Variants in TMEM114 observed in about 807,000 individuals in gnomAD.
The protein encoded by TMEM114 is transmembrane protein 114.
TMEM114 carries 6 observed loss-of-function variants against 6.2 expected under a neutral mutation model. That is an observed-to-expected ratio of 0.97 (90% CI 0.53 to 1.91). TMEM114 has a LOEUF of 1.91. Ranked by LOEUF, TMEM114 falls within the 40% of genes most tolerant of loss-of-function variation. The probability of loss-of-function intolerance (pLI) is 0.01; values close to 1 mark genes in which losing one functional copy is unlikely to be tolerated. For synonymous variants in TMEM114, 104 were observed against 73.0 expected, an observed-to-expected ratio of 1.42 and a Z score of -2.16; for missense variants, 218 against 158.3, an observed-to-expected ratio of 1.38 and a Z score of -2.02.
chr16:8,530,385 C>T, the TMEM114 span, among the ~76,000 whole-genome samples: 1 of 152,182 alleles, frequency 6.6e-6, no homozygotes, highest in African/African-American at 2.4e-5. Flanking sequence ...GTTCCCATCT[C>T]TAGAGCTAGT....
At chr16:8,529,362 GCAGTTAACC>G in the TMEM114 span, among the ~76,000 whole-genome samples, 1 of 152,202 alleles carries the variant, frequency 6.6e-6, no homozygotes, top group African/African-American at 2.4e-5. Context: ...TCTCTCATGT[GCAGTTAACC>G]CATTAGTGGA....
At chr16:8,539,133 G>C (rs1055639935) in intron 2 of TMEM114, among the ~76,000 whole-genome samples, 1 of 152,084 alleles carries the variant, frequency 6.6e-6, no homozygotes, top group Admixed American at 6.6e-5. Flanking sequence ...GTCACAATCT[G>C]GGCATTGCCA....
At chr16:8,535,493 G>A (rs556282260), downstream of TMEM114, among the ~76,000 whole-genome samples, 1 of 152,078 alleles carries the variant, frequency 6.6e-6, no homozygotes, top group African/African-American at 2.4e-5. Context: ...GCAGTTTGGG[G>A]TCCATAGCAC....
At chr16:8,553,855 A>G (rs1364493869) in intron 2 of TMEM114, among the ~76,000 whole-genome samples, 2 of 149,754 alleles carry the variant, frequency 1.3e-5, no homozygotes, top group Non-Finnish European at 3.0e-5. Context: ...TCACACCACT[A>G]TGGCTGCTAA....
intron 2 of TMEM114, among the ~76,000 whole-genome samples, chr16:8,538,516 G>GTT (rs34436612): frequency 6.0e-5 from 9 of 150,308 alleles, no homozygotes; most frequent in Non-Finnish European, 7.4e-5. Flanking sequence ...TTTGTTTTTT[G>GTT]TTTTTTTTTG....
At chr16:8,574,961 G>T (rs956295594) in intron 2 of TMEM114, among the ~76,000 whole-genome samples, 1 of 152,182 alleles carries the variant, frequency 6.6e-6, no homozygotes, top group Non-Finnish European at 1.5e-5. Context: ...TTTGGAACAT[G>T]AATATTGATT....
intron 2 of TMEM114, among the ~76,000 whole-genome samples, chr16:8,548,435 A>G (rs540556715): frequency 6.6e-6 from 1 of 152,056 alleles, no homozygotes; most frequent in East Asian, 1.9e-4. Context: ...TGGCTTTACA[A>G]CCTTTTATTA....
intron 2 of TMEM114, among the ~76,000 whole-genome samples, chr16:8,556,651 G>A (rs377127839): frequency 1.3e-5 from 2 of 151,858 alleles, no homozygotes; most frequent in African/African-American, 2.4e-5. Flanking sequence ...ACAGGTACCC[G>A]CCATCACACA....
At chr16:8,553,366 T>A (rs1306350184) in intron 2 of TMEM114, among the ~76,000 whole-genome samples, 1 of 152,148 alleles carries the variant, frequency 6.6e-6, no homozygotes, top group Non-Finnish European at 1.5e-5. Context: ...AGCTGTAGAG[T>A]CCAAAGAATC....
In TMEM114 at chr16:8,589,854, C is replaced by T; in HGVS notation, c.-16G>A. Reference sequence around the variant, plus strand: ...GCACCCGCATCGCCGAGCCCAGGACCAGCAGCCGCGGGTTCCAGTGGCCGC... The same window carrying T: ...GCACCCGCATCGCCGAGCCCAGGACTAGCAGCCGCGGGTTCCAGTGGCCGC... On this transcript the variant is annotated 5_prime_UTR_variant, in exon 1 of 4. Transcript: ENST00000620492. The T allele has an allele frequency of 2.5e-6, 1 of 397,362 alleles. No individual in the cohort carries two copies. The highest frequency in any genetic ancestry group is 4.4e-6 in the Non-Finnish European group (1 of 225,240). 24.6% of individuals were successfully genotyped at this position (397,362 alleles called of 1,614,324 possible).
chr16:8,574,586 T>C (rs145232658), intron 2 of TMEM114, among the ~76,000 whole-genome samples: 4 of 106,438 alleles, frequency 3.8e-5, no homozygotes, highest in Non-Finnish European at 7.2e-5. Context: ...TCCTTCCTTC[T>C]TTCTTTCTTT....
chr16:8,556,096 A>T (rs1901001490), intron 2 of TMEM114, among the ~76,000 whole-genome samples: 1 of 152,176 alleles, frequency 6.6e-6, no homozygotes, highest in Non-Finnish European at 1.5e-5. Context: ...TTCATCTGAG[A>T]ACCCGGTCTC....
chr16:8,562,178 GAGTC>G (rs1165670986), intron 2 of TMEM114, among the ~76,000 whole-genome samples: 1 of 151,678 alleles, frequency 6.6e-6, no homozygotes, highest in African/African-American at 2.4e-5. Flanking sequence ...ATGAGTGAAT[GAGTC>G]AGTGAGTGAG....
intron 2 of TMEM114, among the ~76,000 whole-genome samples, chr16:8,564,265 T>C (rs11866822): frequency 4.2e-4 from 4 of 9,582 alleles, no homozygotes; most frequent in Middle Eastern, 0.038. Flanking sequence ...GAATGAGTGA[T>C]GAAATAAGTG....
At chr16:8,563,631 GAAT>G (rs1901376166) in intron 2 of TMEM114, among the ~76,000 whole-genome samples, 4 of 146,950 alleles carry the variant, frequency 2.7e-5, no homozygotes, top group Non-Finnish European at 5.9e-5. Flanking sequence ...ATGAGTGAGT[GAAT>G]GAGTAAATGA....
chr16:8,549,723 G>A (rs563196552), intron 2 of TMEM114, among the ~76,000 whole-genome samples: 1 of 152,174 alleles, frequency 6.6e-6, no homozygotes, highest in South Asian at 2.1e-4. Context: ...CTCAGGTGGT[G>A]GCTGAATTGA....
chr16:8,538,570 C>T (rs1193790511), intron 2 of TMEM114, among the ~76,000 whole-genome samples: 3 of 151,830 alleles, frequency 2.0e-5, no homozygotes, highest in Admixed American at 1.3e-4. Context: ...TGCAGTGGTG[C>T]GATCTCAGCT....
chr16:8,560,920 G>A (rs1027901369), intron 2 of TMEM114, among the ~76,000 whole-genome samples: 4 of 152,162 alleles, frequency 2.6e-5, no homozygotes, highest in African/African-American at 9.7e-5. Flanking sequence ...CCACGTGGCT[G>A]GGGAGGCCTC....
chr16:8,540,688 C>G (rs1900492893), intron 2 of TMEM114, among the ~76,000 whole-genome samples: 1 of 152,202 alleles, frequency 6.6e-6, no homozygotes, highest in Non-Finnish European at 1.5e-5. Context: ...GTACTGGGAA[C>G]CAGTGGTAAG....
Sources: gnomAD v4.1 joint callset for allele counts (sites outside exome capture counted in the v4.1 genomes callset) on GRCh38, gnomAD v4.1.1 for gene constraint, MANE v1.5 for transcripts, NCBI Gene and HGNC (gene_info 2026-07-23, HGNC 2026-07-21) for gene names.